Variants in HDAC5 observed in about 807,000 individuals in gnomAD.
HDAC5 encodes antigen NY-CO-9.
HDAC5 carries 25 observed loss-of-function variants against 133.3 expected under a neutral mutation model. The ratio of observed to expected loss-of-function variants is 0.19; its 90% CI spans 0.14 to 0.26. The LOEUF is 0.26. Among genes scored for constraint, HDAC5 ranks in the 10% least tolerant of loss-of-function variants. HDAC5 has a pLI of 1.00. For synonymous variants in HDAC5, 589 were observed against 610.8 expected, an observed-to-expected ratio of 0.96 and a Z score of 0.53; for missense variants, 1,041 against 1,460.5, an observed-to-expected ratio of 0.71 and a Z score of 4.68.
intron 3 of HDAC5, among the ~76,000 whole-genome samples, chr17:44,102,654 G>C (rs181673327): frequency 6.9e-6 from 1 of 143,928 alleles, no homozygotes; most frequent in African/African-American, 2.5e-5. Flanking sequence ...CCATATGCCC[G>C]GCCAGGTTCT....
At chr17:44,104,943 GA>G (rs2051842255) in intron 3 of HDAC5, among the ~76,000 whole-genome samples, 1 of 152,154 alleles carries the variant, frequency 6.6e-6, no homozygotes, top group Admixed American at 6.6e-5. Flanking sequence ...GTCAGGGAAG[GA>G]AAGGCCTGAA....
chr17:44,120,916 G>C (rs1021241093), intron 1 of HDAC5, among the ~76,000 whole-genome samples: 10 of 151,964 alleles, frequency 6.6e-5, no homozygotes, highest in African/African-American at 2.2e-4. Flanking sequence ...AGAAGGATCA[G>C]AGCCATGAAG....
chr17:44,077,311 T>C lies in HDAC5; in HGVS notation c.*1065A>G, dbSNP rs1281261462. ...GGTCTTAGCTCCCTTGGGCTGGTGG[T>C]CAGCAAAGGGAGCCCAGAAGGTATG... On this transcript the variant is annotated 3_prime_UTR_variant, in exon 27 of 27. Transcript: ENST00000682912. The C allele has an allele frequency of 1.3e-5, 2 of 152,490 alleles. No individual in the cohort carries two copies. Among genetic ancestry groups the C allele is most frequent in the Admixed American group, 6.6e-5 (1 of 15,266 alleles). 9.4% of individuals were successfully genotyped at this position (152,490 alleles called of 1,614,324 possible).
intron 1 of HDAC5, among the ~76,000 whole-genome samples, chr17:44,118,323 G>T (rs913277107): frequency 7.9e-5 from 12 of 152,168 alleles, no homozygotes; most frequent in African/African-American, 2.7e-4. Flanking sequence ...AGTACCCTTG[G>T]CCTGGCAGGT....
At chr17:44,110,863 T>G in intron 2 of HDAC5, 63 bp from the exon 3 acceptor site, 1 of 1,406,254 alleles carries the variant, frequency 7.1e-7, no homozygotes, top group Non-Finnish European at 9.9e-7. Flanking sequence ...CCCCTGAGCC[T>G]TGGGCACCAG....
intron 3 of HDAC5, among the ~76,000 whole-genome samples, chr17:44,107,533 A>T (rs1444659615): frequency 6.9e-6 from 1 of 144,946 alleles, no homozygotes; most frequent in Non-Finnish European, 1.5e-5. Context: ...GCTTGAACCC[A>T]GGAGGTGGAG....
chr17:44,078,756 C>T (rs776239057), intron 25 of HDAC5, 39 bp downstream of exon 25: 9 of 1,611,930 alleles, frequency 5.6e-6, no homozygotes, highest in Non-Finnish European at 6.8e-6. Context: ...GCTCCGTGCC[C>T]CCTTGGCAGC....
At chr17:44,083,471 A>T in intron 18 of HDAC5, 74 bp downstream of exon 18, 1 of 1,073,352 alleles carries the variant, frequency 9.3e-7, no homozygotes, top group Non-Finnish European at 1.4e-6. Context: ...AAGGATCCCA[A>T]GGCTGCCCCT....
At chr17:44,122,148 C>G (rs1173536071) in intron 1 of HDAC5, among the ~76,000 whole-genome samples, 2 of 152,042 alleles carry the variant, frequency 1.3e-5, no homozygotes, top group Non-Finnish European at 2.9e-5. Flanking sequence ...ACCATCCAGC[C>G]CAGCCAGCCT....
chr17:44,117,408 G>A lies in HDAC5; in HGVS notation c.22+86C>T, dbSNP rs771155771. The A allele has an allele frequency of 1.1e-5, 15 of 1,423,766 alleles. No homozygotes were observed. In the African/African-American group the frequency reaches 1.1e-4, roughly 11 times the overall value. The allele number at this position is 1,423,766 out of a possible 1,614,324, so 88.2% of individuals were successfully genotyped here. The stretch of plus-strand genomic sequence containing the variant: ...TTCCCTTATAGCTCAGACAGTAAAG[G>A]TCAGCTGGCCTGGAAGGGAAACCCA... On this transcript the variant is annotated intron_variant, in intron 2 of 26. Coordinates refer to ENST00000682912, the MANE Select transcript of HDAC5 (RefSeq NM_005474.5). This position sits in a 1 kb window ranked among gnomAD's most constrained non-coding sequence, Gnocchi z 4.2.
intron 3 of HDAC5, among the ~76,000 whole-genome samples, chr17:44,101,233 G>A (rs1186985266): frequency 2.0e-5 from 3 of 150,920 alleles, no homozygotes; most frequent in African/African-American, 7.3e-5. Context: ...GTGAAACACC[G>A]TCTCTACTAA....
chr17:44,113,478 T>A (rs542177602), intron 2 of HDAC5, among the ~76,000 whole-genome samples: 5 of 152,272 alleles, frequency 3.3e-5, no homozygotes, highest in African/African-American at 1.2e-4. Flanking sequence ...CAAATGTCTT[T>A]TTTTCTTCTG....
chr17:44,106,887 G>T (rs2051989254), intron 3 of HDAC5, among the ~76,000 whole-genome samples: 1 of 151,654 alleles, frequency 6.6e-6, no homozygotes, highest in Admixed American at 6.6e-5. Context: ...ATGTGGATTA[G>T]CAATGGTCCT....
intron 3 of HDAC5, among the ~76,000 whole-genome samples, chr17:44,096,950 G>C (rs919080299): frequency 6.6e-6 from 1 of 152,160 alleles, no homozygotes; most frequent in Non-Finnish European, 1.5e-5. Flanking sequence ...TCGAACTCCT[G>C]ACCTCAGGTG....
At chr17:44,082,564 C>A (rs766106081) in intron 20 of HDAC5, 21 bp downstream of exon 20, 5 of 1,597,712 alleles carry the variant, frequency 3.1e-6, no homozygotes, top group Non-Finnish European at 4.3e-6. Flanking sequence ...CCCTGCCCAG[C>A]CCCACCAGCT....
At chr17:44,088,291 G>T in intron 12 of HDAC5, 96 bp downstream of exon 12, 1 of 1,476,870 alleles carries the variant, frequency 6.8e-7, no homozygotes, top group Non-Finnish European at 9.0e-7. Context: ...GCGAGCCACC[G>T]TGTCTGGCCT....
intron 2 of HDAC5, among the ~76,000 whole-genome samples, chr17:44,116,660 G>A (rs1176546733): frequency 6.6e-6 from 1 of 152,086 alleles, no homozygotes; most frequent in East Asian, 1.9e-4. Flanking sequence ...AGACACCCGA[G>A]GAGGAGGAGA....
At chr17:44,118,791 T>C (rs1482483330) in intron 1 of HDAC5, among the ~76,000 whole-genome samples, 2 of 152,196 alleles carry the variant, frequency 1.3e-5, no homozygotes, top group Non-Finnish European at 1.5e-5. Flanking sequence ...TGCTGCGAGT[T>C]TAAGCCCTAA....
In HDAC5 at chr17:44,088,240, T is replaced by TG. The variant is rs2050763263; in HGVS notation, c.1599+146dup. 3 of 1,292,978 alleles carry TG rather than the reference T, an allele frequency of 2.3e-6. No homozygotes were observed. In the Admixed American group the frequency reaches 7.9e-5, roughly 34 times the overall value. The allele number at this position is 1,292,978 out of a possible 1,614,324, so 80.1% of individuals were successfully genotyped here. On this transcript the variant is annotated intron_variant, in intron 12 of 26. Transcript: ENST00000682912. Reference sequence around the variant, plus strand: ...GTTGGCCAGGCTGGTCTCGAACTCCTGACCTCAGGCGATCTGCCCACCTCG... The same window carrying TG: ...GTTGGCCAGGCTGGTCTCGAACTCCTGGACCTCAGGCGATCTGCCCACCTCG...
Sources: allele counts gnomAD v4.1 joint callset (sites outside exome capture counted in the v4.1 genomes callset), GRCh38; gene constraint gnomAD v4.1.1; non-coding constraint Gnocchi (gnomAD v3.1); transcripts MANE v1.5; gene names NCBI Gene and HGNC (gene_info 2026-07-23, HGNC 2026-07-21).